Variants in TNKS observed in about 807,000 individuals in gnomAD.
The protein encoded by TNKS is tankyrase, also known as poly [ADP-ribose] polymerase tankyrase-1.
TNKS carries 72 observed loss-of-function variants against 135.8 expected under a neutral mutation model. The ratio of observed to expected loss-of-function variants is 0.53; its 90% CI spans 0.44 to 0.64. The LOEUF (loss-of-function observed/expected upper bound fraction) is 0.64. Ranked by LOEUF, TNKS falls within the 30% of genes least tolerant of loss-of-function variation. The probability of loss-of-function intolerance (pLI) is 0.00; values close to 1 mark genes in which losing one functional copy is unlikely to be tolerated. For synonymous variants in TNKS, 849 were observed against 649.3 expected, an observed-to-expected ratio of 1.31 and a Z score of -4.68; for missense variants, 1,769 against 1,674.0, an observed-to-expected ratio of 1.06 and a Z score of -0.99.
chr8:9,769,177 C>G (rs1047993696), intron 25 of TNKS, among the ~76,000 whole-genome samples: 12 of 152,328 alleles, frequency 7.9e-5, no homozygotes, highest in Admixed American at 6.5e-4. Flanking sequence ...AAAGCAACCA[C>G]AGACTATATG....
At chr8:9,742,319 C>CT (rs1419991365) in intron 17 of TNKS, among the ~76,000 whole-genome samples, 191 of 133,566 alleles carry the variant, frequency 1.4e-3, no homozygotes, top group Middle Eastern at 7.5e-3. Flanking sequence ...TTTTAATTAC[C>CT]TTTTTTTTTT....
At chr8:9,689,142 T>C (rs1032096143) in intron 5 of TNKS, among the ~76,000 whole-genome samples, 1 of 152,208 alleles carries the variant, frequency 6.6e-6, no homozygotes, top group Non-Finnish European at 1.5e-5. Flanking sequence ...TCTTTATCAC[T>C]GCCTTTTTTT....
chr8:9,561,754 C>T (rs770530371), intron 1 of TNKS, among the ~76,000 whole-genome samples: 5 of 152,038 alleles, frequency 3.3e-5, no homozygotes, highest in Non-Finnish European at 5.9e-5. Context: ...GGTAAATGTC[C>T]GGTTTTATAA....
chr8:9,607,553 G>A (rs1177671850), intron 2 of TNKS, among the ~76,000 whole-genome samples: 2 of 152,142 alleles, frequency 1.3e-5, no homozygotes, highest in East Asian at 1.9e-4. Flanking sequence ...TCCACTGGTC[G>A]TCTTACACTT....
At chr8:9,671,213 A>G (rs539880673) in intron 3 of TNKS, 4 of 152,314 alleles carry the variant, frequency 2.6e-5, no homozygotes, top group Middle Eastern at 3.4e-3. Flanking sequence ...GGTTAAACAG[A>G]TACTTATGAT....
chr8:9,740,055 T>TAAAAAA (rs58285747), intron 17 of TNKS, among the ~76,000 whole-genome samples: 36 of 87,438 alleles, frequency 4.1e-4, no homozygotes, highest in African/African-American at 1.2e-3. Flanking sequence ...TAGAGTATAA[T>TAAAAAA]AAAAAAAAAA....
intron 3 of TNKS, among the ~76,000 whole-genome samples, chr8:9,618,072 C>A (rs1053266260): frequency 2.0e-5 from 3 of 150,370 alleles, no homozygotes; most frequent in Non-Finnish European, 4.4e-5. Context: ...CTGCAACCTC[C>A]GTCTCCCGGG....
At chr8:9,666,453 C>T (rs1448771845) in intron 3 of TNKS, among the ~76,000 whole-genome samples, 1 of 152,150 alleles carries the variant, frequency 6.6e-6, no homozygotes, top group Non-Finnish European at 1.5e-5. Flanking sequence ...GGTGTGGTAG[C>T]TCACGCCTGT....
In TNKS at chr8:9,584,760, C is replaced by G. The variant is rs534049625; in HGVS notation, c.898+4377C>G. ...CATGTATACCACACCTCCATCTCTC[C>G]TTATTCTCTACAATTCTCAAGAGTG... On this transcript the variant is annotated intron_variant, in intron 2 of 26. Transcript: ENST00000310430. 3.0e-4 allele frequency among the ~76,000 whole-genome samples: 46 copies of G among 152,326 alleles called. 1 individual carries two copies. The highest frequency in any genetic ancestry group is 1.1e-3 in the African/African-American group (45 of 41,562).
At chr8:9,630,405 T>G (rs1800243341) in intron 3 of TNKS, among the ~76,000 whole-genome samples, 1 of 152,196 alleles carries the variant, frequency 6.6e-6, no homozygotes, top group African/African-American at 2.4e-5. Flanking sequence ...TGAGAAGATT[T>G]GAAAAGGGAC....
chr8:9,675,610 A>C (rs970464519), intron 3 of TNKS, among the ~76,000 whole-genome samples: 4 of 152,216 alleles, frequency 2.6e-5, no homozygotes, highest in Non-Finnish European at 5.9e-5. Flanking sequence ...AGTTTTGATG[A>C]ACATTTTTTG....
intron 5 of TNKS, among the ~76,000 whole-genome samples, chr8:9,692,629 G>A (rs1196748355): frequency 1.3e-5 from 2 of 152,116 alleles, no homozygotes; most frequent in East Asian, 3.9e-4. Flanking sequence ...GAAAACATAC[G>A]GCTATTAGAG....
rs550131258 is a variant in TNKS, at chr8:9,615,435, C to CT, written c.899-141dup. The CT allele has an allele frequency of 1.7e-3, 938 of 561,178 alleles. 6 individuals are homozygous for CT. The highest frequency in any genetic ancestry group is 9.1e-3 in the South Asian group (314 of 34,542). The allele number at this position is 561,178 out of a possible 1,614,324, so 34.8% of individuals were successfully genotyped here. On this transcript the variant is annotated intron_variant, in intron 2 of 26. Transcript: ENST00000310430. ...CTAGAGAGGCTCCTTTGCTGCAGTGCTTTTTTGCTTTTTTTCTTTTTTTTT... is the reference window on the plus strand; with the variant it reads ...CTAGAGAGGCTCCTTTGCTGCAGTGCTTTTTTTGCTTTTTTTCTTTTTTTTT...
chr8:9,617,168 A>G (rs575586578), intron 3 of TNKS, among the ~76,000 whole-genome samples: 5 of 152,360 alleles, frequency 3.3e-5, no homozygotes, highest in African/African-American at 1.2e-4. Context: ...ACAAGAAACT[A>G]TATCCTAATT....
chr8:9,719,306 G>C (rs1403519890), intron 11 of TNKS, among the ~76,000 whole-genome samples: 1 of 152,038 alleles, frequency 6.6e-6, no homozygotes, highest in Non-Finnish European at 1.5e-5. Flanking sequence ...TCTTAATCTT[G>C]TATTTAGTGG....
At chr8:9,702,336 CGAA>C (rs1403581011) in intron 5 of TNKS, among the ~76,000 whole-genome samples, 1 of 152,006 alleles carries the variant, frequency 6.6e-6, no homozygotes, top group Non-Finnish European at 1.5e-5. Flanking sequence ...CATACACACA[CGAA>C]GAAAACTATA....
At chr8:9,722,456 G>A (rs1467211632) in intron 12 of TNKS, 1 of 150,386 alleles carries the variant, frequency 6.6e-6, no homozygotes, top group Non-Finnish European at 1.5e-5. Flanking sequence ...GAGACGGGAA[G>A]ATTTAGAAGG....
chr8:9,752,015 T>C (rs1366362811), intron 19 of TNKS, among the ~76,000 whole-genome samples, 169 bp downstream of exon 19: 1 of 152,220 alleles, frequency 6.6e-6, no homozygotes, highest in East Asian at 1.9e-4. Context: ...GCTGCCACGT[T>C]TCTTGGCATT....
At chr8:9,569,408 G>A (rs1016913800) in intron 1 of TNKS, among the ~76,000 whole-genome samples, 34 of 152,124 alleles carry the variant, frequency 2.2e-4, no homozygotes, top group African/African-American at 7.7e-4. Context: ...CTTTTGAGTC[G>A]TTACCCCTCT....
Sources: allele counts gnomAD v4.1 joint callset (sites outside exome capture counted in the v4.1 genomes callset), GRCh38; gene constraint gnomAD v4.1.1; transcripts MANE v1.5; gene names NCBI Gene and HGNC (gene_info 2026-07-23, HGNC 2026-07-21).